The following SHC4 variants were observed in gnomAD, a reference collection of about 807,000 sequenced individuals.
SHC4 encodes the protein SHC adaptor protein 4.
A neutral mutation model predicts 69.4 loss-of-function variants in SHC4; 41 were observed. The observed-to-expected ratio is 0.59, with a 90% CI of 0.46 to 0.77. The LOEUF (loss-of-function observed/expected upper bound fraction) is 0.77. SHC4 is among the 30% of genes least tolerant of loss of function. The probability of loss-of-function intolerance (pLI) is 0.00; values close to 1 mark genes in which losing one functional copy is unlikely to be tolerated. For synonymous variants in SHC4, 318 were observed against 299.3 expected (o/e 1.06, Z -0.64); for missense variants, 777 against 783.8 (o/e 0.99, Z 0.10).
intron 2 of SHC4, among the ~76,000 whole-genome samples, chr15:48,916,871 G>A (rs1900632617): frequency 6.6e-6 from 1 of 152,218 alleles, no homozygotes; most frequent in Non-Finnish European, 1.5e-5. Context: ...CATGTGTAAG[G>A]CACTAAATAT....
Position 48,916,254 on chromosome 15 carries a change from C to T in SHC4, c.656+8625G>A, listed in dbSNP as rs534487205. Among the ~76,000 whole-genome samples the T allele has an allele frequency of 2.0e-5, 3 of 147,558 alleles. No homozygotes were observed. The South Asian group carries it at 6.5e-4, about 32-fold the overall frequency. Reference sequence around the variant, plus strand: ...ATTGTTCAGCTGCATCTTGAATCTGCTTTGCAGCTGATGGTTGCTCACACA... The same window carrying T: ...ATTGTTCAGCTGCATCTTGAATCTGTTTTGCAGCTGATGGTTGCTCACACA... On this transcript the variant is annotated intron_variant, in intron 2 of 11. Coordinates refer to ENST00000332408, the MANE Select transcript of SHC4 (RefSeq NM_203349.4).
chr15:48,839,356 T>A (rs1898952016), intron 10 of SHC4, among the ~76,000 whole-genome samples: 1 of 152,172 alleles, frequency 6.6e-6, no homozygotes, highest in African/African-American at 2.4e-5. Context: ...ATGACCACAG[T>A]GGGAAATAGC....
At chr15:48,924,802 C>A in intron 2 of SHC4, 77 bp downstream of exon 2, 2 of 1,477,184 alleles carry the variant, frequency 1.4e-6, no homozygotes, top group South Asian at 2.3e-5. Context: ...GGAAGGTTTG[C>A]ATAAAATTCC....
chr15:48,846,129 A>T (rs2140975311), intron 9 of SHC4, among the ~76,000 whole-genome samples: 1 of 152,152 alleles, frequency 6.6e-6, no homozygotes, highest in Non-Finnish European at 1.5e-5. Context: ...CTCCGGAGTC[A>T]CTGGGATTAC....
intron 4 of SHC4, chr15:48,877,958 A>ATC: frequency 2.0e-6 from 1 of 509,554 alleles, no homozygotes; most frequent in Non-Finnish European, 3.4e-6. Context: ...CGAAGTTCGA[A>ATC]TCGATGGAAA....
chr15:48,949,168 G>A (rs186667403), intron 1 of SHC4, among the ~76,000 whole-genome samples: 162 of 151,782 alleles, frequency 1.1e-3, no homozygotes, highest in African/African-American at 3.7e-3. Context: ...TCAGGAGATC[G>A]AGACCATCCT....
intron 1 of SHC4, among the ~76,000 whole-genome samples, chr15:48,961,742 A>G (rs796496441): frequency 7.5e-4 from 115 of 152,352 alleles, no homozygotes; most frequent in African/African-American, 2.6e-3. Flanking sequence ...AAAAGGGCAC[A>G]GGCCAAATCT....
rs536979197 is a variant in SHC4, at chr15:48,882,634, T to TA, written c.840+1613dup. 4.7e-4 allele frequency among the ~76,000 whole-genome samples: 71 copies of TA among 152,194 alleles called. 1 individual carries two copies. Among genetic ancestry groups the TA allele is most frequent in the African/African-American group, 1.5e-3 (64 of 41,520 alleles). On this transcript the variant is annotated intron_variant, in intron 4 of 11. Transcript: ENST00000332408. ...AGACACCCCACAGAAAGGGCCATCT[T>TA]AAAAAATGATCATAGATTCTACCCA...
intron 1 of SHC4, among the ~76,000 whole-genome samples, chr15:48,925,687 A>C (rs1342767731): frequency 6.6e-6 from 1 of 152,186 alleles, no homozygotes; most frequent in East Asian, 1.9e-4. Flanking sequence ...GTTTATATTT[A>C]GTGTGGCAGC....
chr15:48,892,261 C>T (rs1900151424), intron 2 of SHC4, among the ~76,000 whole-genome samples: 1 of 152,114 alleles, frequency 6.6e-6, no homozygotes, highest in African/African-American at 2.4e-5. Context: ...AGATTCTAGG[C>T]ATTATTTTGC....
In SHC4 at chr15:48,877,579, T is replaced by C. The variant is rs1899832966; in HGVS notation, c.841-5437A>G. ...CAAAGAATACACACCGCATTGCTAA[T>C]AGTGGAAAGATACCTCCCAGGCGAA... On this transcript the variant is annotated intron_variant, in intron 4 of 11. Transcript: ENST00000332408. The C allele has an allele frequency of 8.1e-6, 8 of 984,626 alleles. No homozygotes were observed. The South Asian group carries it at 1.4e-4, about 17-fold the overall frequency. 61.0% of individuals were successfully genotyped at this position (984,626 alleles called of 1,614,324 possible).
rs375994941 is a variant in SHC4, at chr15:48,854,274, CATATCAT to C, written c.1242+1672_1242+1678del. On this transcript the variant is annotated intron_variant, in intron 8 of 11. Transcript: ENST00000332408. ...AAATCAAAACCACAATCACATATCA[CATATCAT>C]ATCAGAATGACTATCATTAAAAAGG... Among the ~76,000 whole-genome samples the C allele has an allele frequency of 7.4e-3, 1,132 of 152,190 alleles. 18 individuals are homozygous for C. The highest frequency in any genetic ancestry group is 0.026 in the African/African-American group (1,088 of 41,540).
In SHC4 at chr15:48,834,750, A is replaced by G; in HGVS notation, c.1737+19T>C. The stretch of plus-strand genomic sequence containing the variant: ...TAGAACAACATCCTGTGAAACCTCT[A>G]ATGAGAAGTCAATGATACCTTGCCT... On this transcript the variant is annotated intron_variant, in intron 11 of 11. Coordinates refer to ENST00000332408, the MANE Select transcript of SHC4 (RefSeq NM_203349.4). The G allele has an allele frequency of 1.9e-6, 3 of 1,613,044 alleles. No individual in the cohort carries two copies. Among genetic ancestry groups the G allele is most frequent in the Non-Finnish European group, 2.5e-6 (3 of 1,179,464 alleles).
chr15:48,832,517 G>C (rs1016358542), intron 11 of SHC4, among the ~76,000 whole-genome samples: 2 of 151,942 alleles, frequency 1.3e-5, no homozygotes, highest in Non-Finnish European at 2.9e-5. Context: ...AATGTCTTAG[G>C]GTTCCTCATA....
At chr15:48,926,325 A>T (rs1900852923) in intron 1 of SHC4, among the ~76,000 whole-genome samples, 1 of 152,136 alleles carries the variant, frequency 6.6e-6, no homozygotes, top group Non-Finnish European at 1.5e-5. Context: ...CTCGGAAATG[A>T]TATGCTCCCT....
intron 11 of SHC4, among the ~76,000 whole-genome samples, chr15:48,827,382 G>C (rs1016362323): frequency 2.0e-5 from 3 of 152,136 alleles, no homozygotes; most frequent in African/African-American, 2.4e-5. Flanking sequence ...ACACATTCAA[G>C]GATTTACAGA....
chr15:48,867,166 G>A (rs1275848444), intron 6 of SHC4, among the ~76,000 whole-genome samples: 2 of 152,142 alleles, frequency 1.3e-5, no homozygotes, highest in Admixed American at 1.3e-4. Flanking sequence ...TATTAGGTTG[G>A]TGCAAAGGTA....
intron 9 of SHC4, 42 bp downstream of exon 9, chr15:48,851,146 G>A: frequency 1.3e-6 from 2 of 1,598,294 alleles, no homozygotes; most frequent in East Asian, 2.2e-5. Context: ...GGACTTACAA[G>A]GAATAAGGAG....
chr15:48,908,605 T>C (rs976136323), intron 2 of SHC4, among the ~76,000 whole-genome samples: 2 of 152,224 alleles, frequency 1.3e-5, no homozygotes, highest in Non-Finnish European at 2.9e-5. Context: ...TTTTGGGTTC[T>C]TGGTCATGAA....
Sources: allele counts gnomAD v4.1 joint callset (sites outside exome capture counted in the v4.1 genomes callset), GRCh38; gene constraint gnomAD v4.1.1; transcripts MANE v1.5; gene names NCBI Gene and HGNC (gene_info 2026-07-23, HGNC 2026-07-21).